The following RBFOX1 variants were observed in gnomAD, a reference collection of about 807,000 sequenced individuals.
RBFOX1 encodes the protein RNA binding protein fox-1 homolog 1.
Under a neutral mutation model 57.7 loss-of-function variants are expected in RBFOX1, and 8 were observed. That is an observed-to-expected ratio of 0.14 (90% CI 0.08 to 0.25). RBFOX1 has a LOEUF of 0.25. RBFOX1 is among the 10% of genes least tolerant of loss of function. RBFOX1 has a pLI of 1.00. For synonymous variants in RBFOX1, 326 were observed against 222.4 expected (o/e 1.47, Z -4.15); for missense variants, 611 against 548.5 (o/e 1.11, Z -1.14).
chr16:7,440,127 C>T (rs1277179652), intron 4 of RBFOX1, among the ~76,000 whole-genome samples: 1 of 151,866 alleles, frequency 6.6e-6, no homozygotes, highest in African/African-American at 2.4e-5. Context: ...AACTCCTGGG[C>T]TCAAGAGACC....
At chr16:5,516,265 T>G (rs925064371) in intron 2 of RBFOX1, among the ~76,000 whole-genome samples, 3 of 152,026 alleles carry the variant, frequency 2.0e-5, no homozygotes, top group Admixed American at 2.0e-4. Flanking sequence ...TGTCTCCCAT[T>G]ATTTCCTATC....
chr16:7,387,929 C>T (rs151329747), intron 4 of RBFOX1, among the ~76,000 whole-genome samples: 1 of 152,126 alleles, frequency 6.6e-6, no homozygotes, highest in East Asian at 1.9e-4. Context: ...TATTTTACGC[C>T]ATTGTTGGAA....
At chr16:7,695,489 C>G (rs2078507437) in intron 14 of RBFOX1, among the ~76,000 whole-genome samples, 1 of 151,898 alleles carries the variant, frequency 6.6e-6, no homozygotes, top group Non-Finnish European at 1.5e-5. Context: ...CCCATCTCTA[C>G]TAAAAATACA....
chr16:5,743,535 T>C (rs1481348373), intron 3 of RBFOX1, among the ~76,000 whole-genome samples: 1 of 152,244 alleles, frequency 6.6e-6, no homozygotes, highest in African/African-American at 2.4e-5. Flanking sequence ...GTGCCACATA[T>C]TAAAATGATC....
intron 3 of RBFOX1, among the ~76,000 whole-genome samples, chr16:7,005,396 A>G (rs1190862352): frequency 6.6e-6 from 1 of 152,192 alleles, no homozygotes; most frequent in Non-Finnish European, 1.5e-5. Context: ...AAACATCCCA[A>G]TACAGTCAGT....
At chr16:6,471,669 C>A (rs1418391745) in intron 2 of RBFOX1, among the ~76,000 whole-genome samples, 2 of 151,806 alleles carry the variant, frequency 1.3e-5, no homozygotes, top group Non-Finnish European at 2.9e-5. Flanking sequence ...GCTGGCCCAC[C>A]AGCTATGCTT....
chr16:7,011,031 C>G (rs1460030122), intron 3 of RBFOX1, among the ~76,000 whole-genome samples: 1 of 151,162 alleles, frequency 6.6e-6, no homozygotes, highest in Non-Finnish European at 1.5e-5. Context: ...TATTTCAAGT[C>G]AATTTGTGGC....
chr16:7,707,262 A>G (rs558035895), intron 14 of RBFOX1, among the ~76,000 whole-genome samples: 40 of 152,250 alleles, frequency 2.6e-4, no homozygotes, highest in African/African-American at 9.6e-4. Context: ...CCTAGGGTCT[A>G]ACTTGGAGTC....
intron 4 of RBFOX1, among the ~76,000 whole-genome samples, chr16:7,301,974 G>T (rs1003613035): frequency 7.2e-5 from 11 of 152,268 alleles, no homozygotes; most frequent in African/African-American, 2.6e-4. Flanking sequence ...TATATTATTT[G>T]TTAATCAAAG....
At chr16:7,207,564 T>G (rs2090246002) in intron 4 of RBFOX1, among the ~76,000 whole-genome samples, 1 of 152,300 alleles carries the variant, frequency 6.6e-6, no homozygotes, top group South Asian at 2.1e-4. Flanking sequence ...GATTAACGAC[T>G]GATCTTGCCA....
At chr16:5,328,497 A>T (rs1206590519) in intron 1 of RBFOX1, among the ~76,000 whole-genome samples, 9 of 152,242 alleles carry the variant, frequency 5.9e-5, no homozygotes, top group Non-Finnish European at 1.3e-4. Context: ...AACTGATGGA[A>T]TGCCTTCAAG....
At chr16:6,715,052 G>T in intron 3 of RBFOX1, among the ~76,000 whole-genome samples, 1 of 152,100 alleles carries the variant, frequency 6.6e-6, no homozygotes, top group East Asian at 1.9e-4. Context: ...CCATATTTGG[G>T]ATTAGTTTTG....
intron 3 of RBFOX1, among the ~76,000 whole-genome samples, chr16:5,660,622 C>T (rs886111096): frequency 1.3e-5 from 2 of 152,130 alleles, no homozygotes; most frequent in African/African-American, 4.8e-5. Flanking sequence ...AGATAATTTT[C>T]ACATTTCTTT....
At chr16:5,938,718 C>T (rs571750409) in intron 4 of RBFOX1, among the ~76,000 whole-genome samples, 1 of 152,116 alleles carries the variant, frequency 6.6e-6, no homozygotes, top group African/African-American at 2.4e-5. Context: ...CTTCTCATTG[C>T]TCCAGGTGAC....
intron 2 of RBFOX1, among the ~76,000 whole-genome samples, chr16:5,472,196 C>T (rs1394985053): frequency 6.6e-6 from 1 of 152,122 alleles, no homozygotes; most frequent in African/African-American, 2.4e-5. Flanking sequence ...GTTGGCAGCA[C>T]CCTCCTTTTT....
chr16:6,474,128 G>C (rs2095235730), intron 2 of RBFOX1, among the ~76,000 whole-genome samples: 1 of 152,106 alleles, frequency 6.6e-6, no homozygotes, highest in Non-Finnish European at 1.5e-5. Context: ...TGTGTATGCA[G>C]TCTATCCTTG....
intron 4 of RBFOX1, among the ~76,000 whole-genome samples, chr16:5,950,773 C>CTT (rs1262483727): frequency 4.0e-5 from 6 of 151,894 alleles, no homozygotes; most frequent in African/African-American, 1.5e-4. Flanking sequence ...GAGTAAGATG[C>CTT]TTTTTTTTCC....
At chr16:7,354,202 G>C (rs11860723) in intron 4 of RBFOX1, among the ~76,000 whole-genome samples, 34,932 of 151,952 alleles carry the variant, frequency 0.23, 4,467 homozygotes, top group African/African-American at 0.34. Context: ...AACTCCTGAC[G>C]TCAGGTGATC....
chr16:6,326,807 A>G (rs1302288136), intron 2 of RBFOX1, among the ~76,000 whole-genome samples: 1 of 152,164 alleles, frequency 6.6e-6, no homozygotes, highest in Admixed American at 6.5e-5. Context: ...AGGAGGACAC[A>G]CGACTGCCTT....
Sources: allele counts gnomAD v4.1 joint callset (sites outside exome capture counted in the v4.1 genomes callset), GRCh38; gene constraint gnomAD v4.1.1; transcripts MANE v1.5; gene names NCBI Gene and HGNC (gene_info 2026-07-23, HGNC 2026-07-21).